Variants in SLCO2A1 observed in about 807,000 individuals in gnomAD.
SLCO2A1 encodes matrin F/G 1.
SLCO2A1 carries 60 observed loss-of-function variants against 71.7 expected under a neutral mutation model. That is an observed-to-expected ratio of 0.84 (90% CI 0.68 to 1.04). The LOEUF is 1.04. Among genes scored for constraint, SLCO2A1 ranks in the 50% least tolerant of loss-of-function variants. SLCO2A1 has a pLI of 0.00. For synonymous variants in SLCO2A1, 308 were observed against 326.7 expected (o/e 0.94, Z 0.62); for missense variants, 745 against 813.4 (o/e 0.92, Z 1.02).
At chr3:133,997,141 G>T (rs1178648909) in intron 1 of SLCO2A1, among the ~76,000 whole-genome samples, 1 of 151,958 alleles carries the variant, frequency 6.6e-6, no homozygotes, top group African/African-American at 2.4e-5. Flanking sequence ...CACACCCTGG[G>T]GATCTCCACT....
At position 133,940,387 on chromosome 3, in the gene SLCO2A1, A is replaced by T. The variant is rs565369733; in HGVS notation, c.1626-1894T>A. 5.9e-5 allele frequency among the ~76,000 whole-genome samples: 9 copies of T among 152,156 alleles called. No homozygotes were observed. The South Asian group carries it at 1.9e-3, about 32-fold the overall frequency. ...TCCTGGGGCCTCCTCTCCACCCCCT[A>T]CCCCAACTCGACCTAGAAAGGAGAG... On this transcript the variant is annotated intron_variant, in intron 11 of 13. Coordinates refer to ENST00000310926, the MANE Select transcript of SLCO2A1 (RefSeq NM_005630.3).
chr3:133,962,035 G>T (rs1358846281), intron 3 of SLCO2A1, among the ~76,000 whole-genome samples: 1 of 152,180 alleles, frequency 6.6e-6, no homozygotes, highest in African/African-American at 2.4e-5. Flanking sequence ...GCCCTGGCTA[G>T]CTCACTCTGG....
intron 3 of SLCO2A1, among the ~76,000 whole-genome samples, chr3:133,964,642 A>T (rs1168304717): frequency 1.3e-5 from 2 of 152,202 alleles, no homozygotes; most frequent in Admixed American, 1.3e-4. Flanking sequence ...TGGAAGGAGG[A>T]ACTGCTCTGC....
rs1244949489 is a variant in SLCO2A1 at position 134,002,126 on chromosome 3, C to T, written c.97-22508G>A. Among the ~76,000 whole-genome samples the T allele has an allele frequency of 2.6e-5, 4 of 152,234 alleles. No individual in the cohort carries two copies. In the South Asian group the frequency reaches 8.3e-4, roughly 32 times the overall value. ...TCATTAGTGAGAACACTCCTGACTC[C>T]AGCCTCCCAAAACGTTTGCCATTTC... On this transcript the variant is annotated intron_variant, in intron 1 of 13. Coordinates refer to ENST00000310926, the MANE Select transcript of SLCO2A1 (RefSeq NM_005630.3).
At chr3:134,012,306 T>G (rs939952412) in intron 1 of SLCO2A1, among the ~76,000 whole-genome samples, 10 of 152,146 alleles carry the variant, frequency 6.6e-5, no homozygotes, top group Non-Finnish European at 1.0e-4. Flanking sequence ...AAGTAATGGG[T>G]TCTGCTAGCT....
At chr3:134,014,712 T>C (rs1935410358) in intron 1 of SLCO2A1, among the ~76,000 whole-genome samples, 1 of 152,106 alleles carries the variant, frequency 6.6e-6, no homozygotes, top group African/African-American at 2.4e-5. Context: ...TGCTGGTGGA[T>C]GAGAGAATCC....
chr3:133,984,595 C>G (rs902119248), intron 1 of SLCO2A1, among the ~76,000 whole-genome samples: 1 of 152,162 alleles, frequency 6.6e-6, no homozygotes, highest in African/African-American at 2.4e-5. Context: ...CTCGGCTGCT[C>G]GAACTTACCA....
chr3:133,945,652 C>A (rs1250665189), intron 9 of SLCO2A1, among the ~76,000 whole-genome samples: 1 of 152,164 alleles, frequency 6.6e-6, no homozygotes, highest in East Asian at 1.9e-4. Context: ...ACCGCTGAGG[C>A]AATCCAGGAT....
chr3:133,973,519 A>T (rs1934377189), intron 3 of SLCO2A1, 144 bp downstream of exon 3: 3 of 850,774 alleles, frequency 3.5e-6, no homozygotes, highest in Admixed American at 5.5e-5. Context: ...CAGTTGCTCC[A>T]TAGCTCTACA....
intron 1 of SLCO2A1, among the ~76,000 whole-genome samples, chr3:133,989,991 TC>T (rs11368074): frequency 0.37 from 56,907 of 152,156 alleles, 10,947 homozygotes; most frequent in Non-Finnish European, 0.42. Context: ...GTGTGATAGT[TC>T]CCGTTAATTC....
intron 1 of SLCO2A1, among the ~76,000 whole-genome samples, chr3:133,990,258 C>G (rs1934809848): frequency 6.6e-6 from 1 of 152,232 alleles, no homozygotes. Flanking sequence ...CTTTCATCCA[C>G]TCATAGTCTC....
chr3:134,006,643 G>A (rs1935222155), intron 1 of SLCO2A1, among the ~76,000 whole-genome samples: 2 of 152,178 alleles, frequency 1.3e-5, no homozygotes, highest in African/African-American at 4.8e-5. Flanking sequence ...ATTGTAGCAT[G>A]TGTCAGAATT....
intron 1 of SLCO2A1, among the ~76,000 whole-genome samples, chr3:134,000,301 C>T (rs967815192): frequency 4.6e-5 from 7 of 152,018 alleles, no homozygotes; most frequent in African/African-American, 4.8e-5. Flanking sequence ...GCCAGGGACA[C>T]GGGTCTGAGT....
chr3:133,983,591 A>G (rs1934642319), intron 1 of SLCO2A1, among the ~76,000 whole-genome samples: 2 of 152,210 alleles, frequency 1.3e-5, no homozygotes, highest in African/African-American at 4.8e-5. Context: ...TGAAGGCCCT[A>G]TGTCAGTGCC....
At chr3:133,959,930 C>T (rs931287489) in intron 3 of SLCO2A1, among the ~76,000 whole-genome samples, 2 of 151,260 alleles carry the variant, frequency 1.3e-5, no homozygotes, top group African/African-American at 4.9e-5. Context: ...ACCATCCTGG[C>T]TAACACGGTG....
chr3:134,011,448 G>C (rs557275769), intron 1 of SLCO2A1, among the ~76,000 whole-genome samples: 1 of 152,214 alleles, frequency 6.6e-6, no homozygotes, highest in Non-Finnish European at 1.5e-5. Flanking sequence ...CTGTGAGGAC[G>C]ATCTCAGCTG....
At chr3:133,937,797 G>T (rs1281206579) in intron 12 of SLCO2A1, among the ~76,000 whole-genome samples, 1 of 152,166 alleles carries the variant, frequency 6.6e-6, no homozygotes, top group African/African-American at 2.4e-5. Context: ...ATGTCAAGAA[G>T]GAACAGCCAG....
chr3:133,983,668 C>T (rs930541560), intron 1 of SLCO2A1, among the ~76,000 whole-genome samples: 3 of 152,180 alleles, frequency 2.0e-5, no homozygotes, highest in Non-Finnish European at 4.4e-5. Context: ...AGTGTGGGGC[C>T]CAGCATGGAG....
At chr3:133,967,446 G>A (rs1408301023) in intron 3 of SLCO2A1, among the ~76,000 whole-genome samples, 4 of 152,154 alleles carry the variant, frequency 2.6e-5, no homozygotes, top group African/African-American at 4.8e-5. Context: ...TCCTTCCCGG[G>A]CCTTCTCTAC....
Sources: gnomAD v4.1 joint callset for allele counts (sites outside exome capture counted in the v4.1 genomes callset) on GRCh38, gnomAD v4.1.1 for gene constraint, MANE v1.5 for transcripts, NCBI Gene and HGNC (gene_info 2026-07-23, HGNC 2026-07-21) for gene names.